Variants in KCNK1 observed in about 807,000 individuals in gnomAD.
KCNK1 encodes the protein potassium channel subfamily K member 1.
In KCNK1, 10 loss-of-function variants were observed where a neutral mutation model predicts 22.2. The ratio of observed to expected loss-of-function variants is 0.45; its 90% CI spans 0.28 to 0.76. KCNK1 has a LOEUF of 0.76. Among genes scored for constraint, KCNK1 ranks in the 30% least tolerant of loss-of-function variants. The pLI, the probability that KCNK1 is intolerant of heterozygous loss-of-function variation, is 0.14. For missense variants in KCNK1, 378 were observed against 421.0 expected (o/e 0.90, Z 0.89); for synonymous variants, 200 against 186.4 (o/e 1.07, Z -0.60).
chr1:233,651,938 T>C (rs1658208185), intron 1 of KCNK1, among the ~76,000 whole-genome samples: 2 of 152,294 alleles, frequency 1.3e-5, no homozygotes, highest in Non-Finnish European at 1.5e-5. Context: ...TCTCATGGAA[T>C]TGGGAACAGG....
intron 2 of KCNK1, among the ~76,000 whole-genome samples, chr1:233,667,221 T>A (rs1178206812): frequency 6.6e-6 from 1 of 152,142 alleles, no homozygotes; most frequent in East Asian, 1.9e-4. Context: ...AAGCTCCACT[T>A]CACCTCTCAA....
At chr1:233,620,299 A>G (rs1215333413) in intron 1 of KCNK1, among the ~76,000 whole-genome samples, 1 of 152,214 alleles carries the variant, frequency 6.6e-6, no homozygotes, top group East Asian at 1.9e-4. Context: ...CTGCTTCAGA[A>G]TGATACTTGA....
At chr1:233,623,221 GAAAA>G (rs150111283) in intron 1 of KCNK1, among the ~76,000 whole-genome samples, 1 of 128,308 alleles carries the variant, frequency 7.8e-6, no homozygotes, top group African/African-American at 2.9e-5. Flanking sequence ...TGGTTAGCAA[GAAAA>G]AAAAAAGGTT....
intron 1 of KCNK1, among the ~76,000 whole-genome samples, chr1:233,615,219 G>A (rs1336282689): frequency 6.6e-6 from 1 of 152,220 alleles, no homozygotes; most frequent in African/African-American, 2.4e-5. Flanking sequence ...GGAACCATAG[G>A]ATTGCCTAAG....
At chr1:233,654,496 G>T (rs2102903602) in intron 1 of KCNK1, among the ~76,000 whole-genome samples, 1 of 152,302 alleles carries the variant, frequency 6.6e-6, no homozygotes, top group South Asian at 2.1e-4. Flanking sequence ...GAAAGTTGTG[G>T]CTTGGCTTCT....
At position 233,666,606 on chromosome 1, in the gene KCNK1, A is replaced by G. The variant is rs1658493200; in HGVS notation, c.367A>G (p.Thr123Ala). ...TGTTCTCCTTGCAGGTTATGGCCAC[A>G]CCGTGCCCTTGTCAGATGGAGGTAA... ...TVLSTTGYGH[T>A]VPLSDGGKAF... The change falls in exon 2 of 3, where the codon ACC becomes GCC. Residue 123 changes from threonine (T) to alanine (A), a missense_variant. Transcript: ENST00000366621. 1 of 1,607,772 alleles carries G rather than the reference A, an allele frequency of 6.2e-7. No individual in the cohort carries two copies. Among genetic ancestry groups the G allele is most frequent in the South Asian group, 1.1e-5 (1 of 90,062 alleles).
intron 1 of KCNK1, among the ~76,000 whole-genome samples, chr1:233,628,510 A>T (rs941164555): frequency 6.6e-6 from 1 of 152,208 alleles, no homozygotes; most frequent in African/African-American, 2.4e-5. Context: ...CTGGAATCCC[A>T]GTACTTTGGG....
At chr1:233,621,575 C>A (rs192601818) in intron 1 of KCNK1, among the ~76,000 whole-genome samples, 62 of 152,284 alleles carry the variant, frequency 4.1e-4, no homozygotes, top group Middle Eastern at 3.4e-3. Context: ...AATATCTCAA[C>A]ATGTTTCTAC....
At chr1:233,667,148 A>C (rs1187290375) in intron 2 of KCNK1, among the ~76,000 whole-genome samples, 158 bp downstream of exon 2, 1 of 151,822 alleles carries the variant, frequency 6.6e-6, no homozygotes, top group Non-Finnish European at 1.5e-5. Context: ...GGTTCAAGGG[A>C]TTCTCTGCAT....
chr1:233,644,921 G>A (rs1461400061), intron 1 of KCNK1, among the ~76,000 whole-genome samples: 2 of 152,170 alleles, frequency 1.3e-5, no homozygotes, highest in Non-Finnish European at 2.9e-5. Context: ...TAGACTGGGT[G>A]AGGTGGCTCA....
intron 1 of KCNK1, among the ~76,000 whole-genome samples, chr1:233,664,591 G>C (rs1658457213): frequency 1.3e-5 from 2 of 152,222 alleles, no homozygotes; most frequent in Admixed American, 6.5e-5. Context: ...CCATGGGAAA[G>C]TGGATGTACA....
At chr1:233,662,850 G>A (rs1430154211) in intron 1 of KCNK1, among the ~76,000 whole-genome samples, 2 of 152,154 alleles carry the variant, frequency 1.3e-5, no homozygotes, top group East Asian at 3.9e-4. Context: ...CAATCTTTTG[G>A]TTCCAAAAAT....
At chr1:233,617,632 G>A (rs1043978071) in intron 1 of KCNK1, among the ~76,000 whole-genome samples, 3 of 152,178 alleles carry the variant, frequency 2.0e-5, no homozygotes, top group Non-Finnish European at 4.4e-5. Context: ...ATCTGACTGA[G>A]CACGGTGGCT....
chr1:233,622,819 A>C (rs1331150794), intron 1 of KCNK1, among the ~76,000 whole-genome samples: 1 of 152,042 alleles, frequency 6.6e-6, no homozygotes, highest in Non-Finnish European at 1.5e-5. Flanking sequence ...GATGAGATTA[A>C]TTTGCTTAGG....
At chr1:233,634,132 C>G (rs1233413673) in intron 1 of KCNK1, among the ~76,000 whole-genome samples, 1 of 151,920 alleles carries the variant, frequency 6.6e-6, no homozygotes, top group African/African-American at 2.4e-5. Flanking sequence ...ACAGTGAAAC[C>G]CTGTCTCTAC....
At chr1:233,639,446 A>C (rs1657966336) in intron 1 of KCNK1, among the ~76,000 whole-genome samples, 1 of 152,212 alleles carries the variant, frequency 6.6e-6, no homozygotes, top group Non-Finnish European at 1.5e-5. Context: ...AGATATGAGA[A>C]GGGTTGATTT....
At chr1:233,646,936 G>GT (rs879604648) in intron 1 of KCNK1, among the ~76,000 whole-genome samples, 7 of 152,158 alleles carry the variant, frequency 4.6e-5, no homozygotes, top group Non-Finnish European at 8.8e-5. Flanking sequence ...CAGCTGAGGG[G>GT]AAGCGAGTGC....
At chr1:233,632,283 T>A (rs1657811413) in intron 1 of KCNK1, among the ~76,000 whole-genome samples, 1 of 152,138 alleles carries the variant, frequency 6.6e-6, no homozygotes, top group Admixed American at 6.5e-5. Flanking sequence ...CTCTGTTTTC[T>A]ACTCTTTTTT....
intron 1 of KCNK1, among the ~76,000 whole-genome samples, chr1:233,637,982 G>A (rs923725201): frequency 7.5e-6 from 1 of 132,496 alleles, no homozygotes; most frequent in East Asian, 2.2e-4. Flanking sequence ...TGACAATGTC[G>A]TGGGCTGTGG....
Sources: allele counts gnomAD v4.1 joint callset (sites outside exome capture counted in the v4.1 genomes callset), GRCh38; gene constraint gnomAD v4.1.1; transcripts MANE v1.5; gene names NCBI Gene and HGNC (gene_info 2026-07-23, HGNC 2026-07-21).